Variants in OSTF1 observed in about 807,000 individuals in gnomAD.
OSTF1 encodes osteoclast-stimulating factor 1.
A neutral mutation model predicts 37.2 loss-of-function variants in OSTF1; 27 were observed. That is an observed-to-expected ratio of 0.73 (90% CI 0.54 to 1.00). The LOEUF is 1.00. Among genes scored for constraint, OSTF1 ranks in the 50% least tolerant of loss-of-function variants. The probability of loss-of-function intolerance (pLI) is 0.00; values close to 1 mark genes in which losing one functional copy is unlikely to be tolerated. For synonymous variants in OSTF1, 82 were observed against 89.2 expected, an observed-to-expected ratio of 0.92 and a Z score of 0.46; for missense variants, 232 against 253.8, an observed-to-expected ratio of 0.91 and a Z score of 0.58.
In OSTF1 at chr9:75,130,626, A is replaced by G. The variant is rs1344901280; in HGVS notation, c.181A>G (p.Ile61Val). 6.2e-7 allele frequency: 1 copy of G among 1,610,784 alleles called. No individual in the cohort carries two copies. The highest frequency in any genetic ancestry group is 1.3e-5 in the African/African-American group (1 of 74,858). Residue 61 changes from isoleucine to valine, a missense_variant, in exon 4 of 10, where the codon ATT becomes GTT. Physicochemically the swap from Ile to Val is conservative, Grantham distance 29. Coordinates refer to ENST00000346234, the MANE Select transcript of OSTF1 (RefSeq NM_012383.5). ...CACCTCCAAAGGCAGGACTGGACTA[A>G]TTCCAAGCAACTATGGTAAGTGTTG... ...KGTSKGRTGL[I>V]PSNYVAEQAE...
intron 3 of OSTF1, among the ~76,000 whole-genome samples, chr9:75,128,518 TATTTTGTCC>T (rs1475816070): frequency 2.8e-5 from 1 of 36,354 alleles, no homozygotes; most frequent in Admixed American, 2.8e-4. Flanking sequence ...TATATATATA[TATTTTGTCC>T]ATATATATAT....
chr9:75,120,956 ACTGCCTCTC>A (rs1337204451), intron 2 of OSTF1, among the ~76,000 whole-genome samples: 2 of 152,182 alleles, frequency 1.3e-5, no homozygotes, highest in African/African-American at 4.8e-5. Context: ...CTGGAGGTGG[ACTGCCTCTC>A]CTGCCTCTGA....
intron 7 of OSTF1, among the ~76,000 whole-genome samples, chr9:75,136,716 A>G (rs1178208971): frequency 6.6e-6 from 1 of 152,080 alleles, no homozygotes; most frequent in Non-Finnish European, 1.5e-5. Context: ...TTTAGGTGTG[A>G]TTGGAAGCTG....
intron 5 of OSTF1, among the ~76,000 whole-genome samples, chr9:75,132,972 TACACACACACAC>T (rs57913558): frequency 0.053 from 3,214 of 60,302 alleles, 91 homozygotes; most frequent in African/African-American, 0.1. Flanking sequence ...TACACACACA[TACACACACACAC>T]ACACACACAC....
At chr9:75,118,398 C>T (rs912906043) in intron 2 of OSTF1, among the ~76,000 whole-genome samples, 2 of 152,008 alleles carry the variant, frequency 1.3e-5, no homozygotes, top group Admixed American at 6.6e-5. Context: ...AGACTACTTC[C>T]GAGAGTTGGG....
chr9:75,109,545 A>T (rs1030925145), intron 1 of OSTF1, among the ~76,000 whole-genome samples: 2 of 152,144 alleles, frequency 1.3e-5, no homozygotes, highest in African/African-American at 4.8e-5. Context: ...GACCCATTTA[A>T]TTTTCTTAAA....
At chr9:75,140,972 T>C (rs1327436639) in intron 9 of OSTF1, 40 bp downstream of exon 9, 2 of 1,375,030 alleles carry the variant, frequency 1.5e-6, no homozygotes, top group South Asian at 2.3e-5. Flanking sequence ...TGGTGCCCCA[T>C]AACTAAGATT....
chr9:75,119,048 A>T (rs545074407), intron 2 of OSTF1, among the ~76,000 whole-genome samples: 1 of 152,342 alleles, frequency 6.6e-6, no homozygotes, highest in African/African-American at 2.4e-5. Context: ...CCAAAGTTAG[A>T]GGCAACTCAG....
At chr9:75,128,605 T>G (rs1483804074) in intron 3 of OSTF1, among the ~76,000 whole-genome samples, 1 of 107,044 alleles carries the variant, frequency 9.3e-6, no homozygotes, top group Admixed American at 1.0e-4. Context: ...TATATATATA[T>G]ATTTTGTCCA....
At position 75,140,684 on chromosome 9, in the gene OSTF1, A is replaced by T; in HGVS notation, c.488-150A>T. 6 of 556,912 alleles carry T rather than the reference A, an allele frequency of 1.1e-5. No individual in the cohort carries two copies. The South Asian group carries it at 1.1e-4, about 10-fold the overall frequency. 34.5% of individuals were successfully genotyped at this position (556,912 alleles called of 1,614,324 possible). A position where few individuals can be genotyped will look rare whatever the true frequency, so the allele number is the denominator to read the frequency against. ...TAAAGATGCCAAATTATACTGCATG[A>T]GAAAGTTTATTGTTTTGAGAACGTT... On this transcript the variant is annotated intron_variant, in intron 8 of 9. Coordinates refer to ENST00000346234, the MANE Select transcript of OSTF1 (RefSeq NM_012383.5).
Position 75,134,399 on chromosome 9 carries a change from A to G in OSTF1, c.408+4A>G. The G allele has an allele frequency of 6.6e-7, 1 of 1,504,966 alleles. No individual in the cohort carries two copies. Among genetic ancestry groups the G allele is most frequent in the Non-Finnish European group, 9.2e-7 (1 of 1,086,502 alleles). 93.2% of individuals were successfully genotyped at this position (1,504,966 alleles called of 1,614,324 possible). ...AAATATTGAACTGAACCAGCAGGTA[A>G]GACTGCTTATTTGAAAATTATTTAA... is the stretch of plus-strand genomic sequence containing the variant. On this transcript the variant is annotated splice_donor_region_variant and intron_variant, in intron 7 of 9. Coordinates refer to ENST00000346234, the MANE Select transcript of OSTF1 (RefSeq NM_012383.5).
intron 1 of OSTF1, among the ~76,000 whole-genome samples, chr9:75,105,448 A>G (rs1315904195): frequency 6.6e-6 from 1 of 152,240 alleles, no homozygotes; most frequent in Non-Finnish European, 1.5e-5. Context: ...ATAAATCTTT[A>G]TTCATGGACA....
chr9:75,111,230 A>G (rs1423246390), intron 1 of OSTF1, among the ~76,000 whole-genome samples: 1 of 152,228 alleles, frequency 6.6e-6, no homozygotes, highest in Non-Finnish European at 1.5e-5. Flanking sequence ...CTTTGCCTGT[A>G]GAATATCCTG....
chr9:75,130,680 C>G (rs985227108), intron 4 of OSTF1, 39 bp downstream of exon 4: 1 of 1,439,804 alleles, frequency 6.9e-7, no homozygotes, highest in Non-Finnish European at 9.8e-7. Context: ...GCTTCGTTCA[C>G]TTGGAATTTT....
chr9:75,093,456 GT>G (rs925459255), intron 1 of OSTF1, among the ~76,000 whole-genome samples: 4 of 152,168 alleles, frequency 2.6e-5, no homozygotes, highest in Non-Finnish European at 5.9e-5. Context: ...TTCTAAGCAG[GT>G]TTGGTAACTA....
chr9:75,099,592 C>T (rs959075361), intron 1 of OSTF1, among the ~76,000 whole-genome samples: 2 of 152,110 alleles, frequency 1.3e-5, no homozygotes, highest in African/African-American at 2.4e-5. Context: ...CTTTGGGAGG[C>T]CAAGGCAGGT....
At chr9:75,115,194 T>A (rs1337805701) in intron 1 of OSTF1, among the ~76,000 whole-genome samples, 1 of 152,228 alleles carries the variant, frequency 6.6e-6, no homozygotes, top group African/African-American at 2.4e-5. Flanking sequence ...TATCCCACCT[T>A]GGAGGCCACT....
At chr9:75,115,095 A>G (rs1305245051) in intron 1 of OSTF1, among the ~76,000 whole-genome samples, 5 of 152,306 alleles carry the variant, frequency 3.3e-5, no homozygotes, top group Admixed American at 1.3e-4. Context: ...ATATTATTCT[A>G]TGGTGTTATA....
chr9:75,095,099 A>G (rs552202184), intron 1 of OSTF1, among the ~76,000 whole-genome samples: 1 of 152,232 alleles, frequency 6.6e-6, no homozygotes, highest in Non-Finnish European at 1.5e-5. Flanking sequence ...TTAAATAACT[A>G]CATAGTATTC....
Sources: gnomAD v4.1 joint callset for allele counts (sites outside exome capture counted in the v4.1 genomes callset) on GRCh38, gnomAD v4.1.1 for gene constraint, MANE v1.5 for transcripts, NCBI Gene and HGNC (gene_info 2026-07-23, HGNC 2026-07-21) for gene names.